TRADD: variants seen among roughly 807,000 people sequenced by gnomAD.
The protein encoded by TRADD is TNFRSF1A associated via death domain.
In TRADD, 14 loss-of-function variants were observed where a neutral mutation model predicts 31.5. The ratio of observed to expected loss-of-function variants is 0.44; its 90% CI spans 0.29 to 0.69. TRADD has a LOEUF of 0.69. TRADD is among the 30% of genes least tolerant of loss of function. The probability of loss-of-function intolerance (pLI) is 0.11; values close to 1 mark genes in which losing one functional copy is unlikely to be tolerated. For synonymous variants in TRADD, 220 were observed against 215.8 expected, an observed-to-expected ratio of 1.02 and a Z score of -0.17; for missense variants, 388 against 435.7, an observed-to-expected ratio of 0.89 and a Z score of 0.97.
Position 67,154,992 on chromosome 16 carries a change from G to C in TRADD, c.629-33C>G, listed in dbSNP as rs745360938. 9 of 1,595,370 alleles carry C rather than the reference G, an allele frequency of 5.6e-6. No individual in the cohort carries two copies. In the African/African-American group the frequency reaches 1.2e-4, roughly 21 times the overall value. On this transcript the variant is annotated intron_variant, in intron 4 of 4. Coordinates refer to ENST00000345057, the MANE Select transcript of TRADD (RefSeq NM_003789.4). This position sits in a 1 kb window ranked among gnomAD's most constrained non-coding sequence, Gnocchi z 5.2. ...GGGAGTGGGGAAACGGGGTGAGGGCGGGGACCCCCAGCGCCGGTCCCACCC... is the reference window on the plus strand; with the variant it reads ...GGGAGTGGGGAAACGGGGTGAGGGCCGGGACCCCCAGCGCCGGTCCCACCC...
Position 67,155,469 on chromosome 16 carries a change from G to C in TRADD, c.337C>G (p.Pro113Ala). ...LAAALAQHSV[P>A]LQLELRAGAE... ...CCGGCGCGCAGCTCCAGTTGCAGCGGCACCGAGTGCTGGGCGAGCGCGGCC... is the reference window on the plus strand; with the variant it reads ...CCGGCGCGCAGCTCCAGTTGCAGCGCCACCGAGTGCTGGGCGAGCGCGGCC... Residue 113 changes from proline (P) to alanine (A), a missense_variant, in exon 3 of 5, where the codon CCG becomes GCG. By Grantham distance (27) the Pro-to-Ala change is conservative (BLOSUM62 -1). Transcript: ENST00000345057. 1 of 1,587,814 alleles carries C rather than the reference G, an allele frequency of 6.3e-7. No individual in the cohort carries two copies. Among genetic ancestry groups the C allele is most frequent in the Middle Eastern group, 1.7e-4 (1 of 5,996 alleles).
In TRADD at chr16:67,159,229, T is replaced by C. The variant is rs2030811161; in HGVS notation, c.-9+609A>G. On this transcript the variant is annotated intron_variant, in intron 1 of 4. Transcript: ENST00000345057. The surrounding 1 kb of genome is among the most constrained non-coding windows in gnomAD (Gnocchi z 6.8). The stretch of plus-strand genomic sequence containing the variant: ...GGGCTGAGGCTTCCAGGCTGGGTCC[T>C]GAGAAAGTTTGGTGGCCGGAGACTG... 6.6e-6 allele frequency among the ~76,000 whole-genome samples: 1 copy of C among 152,220 alleles called. No homozygotes were observed. The highest frequency in any genetic ancestry group is 6.5e-5 in the Admixed American group (1 of 15,284).
Position 67,154,582 on chromosome 16 carries a change from T to C in TRADD, c.*67A>G, listed in dbSNP as rs2030582311. ...CAGGGTCCCGTGGATGGACAGGGGT[T>C]CAGCAATAGCCGCAGAAGGAACCCT... On this transcript the variant is annotated 3_prime_UTR_variant, in exon 5 of 5. Coordinates refer to ENST00000345057, the MANE Select transcript of TRADD (RefSeq NM_003789.4). The surrounding 1 kb of genome is among the most constrained non-coding windows in gnomAD (Gnocchi z 5.2). The C allele has an allele frequency of 9.7e-6, 15 of 1,554,114 alleles. No individual in the cohort carries two copies. Among genetic ancestry groups the C allele is most frequent in the Middle Eastern group, 1.7e-4 (1 of 5,934 alleles).
At position 67,154,526 on chromosome 16, in the gene TRADD, G is replaced by A. The variant is rs2030578933; in HGVS notation, c.*123C>T. The A allele has an allele frequency of 4.1e-6, 5 of 1,230,300 alleles. No homozygotes were observed. The South Asian group carries it at 5.3e-5, about 13-fold the overall frequency. The allele number at this position is 1,230,300 out of a possible 1,614,324, so 76.2% of individuals were successfully genotyped here. A position where few individuals can be genotyped will look rare whatever the true frequency, so the allele number is the denominator to read the frequency against. On this transcript the variant is annotated 3_prime_UTR_variant, in exon 5 of 5. Coordinates refer to ENST00000345057, the MANE Select transcript of TRADD (RefSeq NM_003789.4). This position sits in a 1 kb window ranked among gnomAD's most constrained non-coding sequence, Gnocchi z 5.2. Reference sequence around the variant, plus strand: ...GGGGAAGGCAATCAACTCTGCCCCAGCAGGTCCAGCAGATAGGCCAAGTGG... The same window carrying A: ...GGGGAAGGCAATCAACTCTGCCCCAACAGGTCCAGCAGATAGGCCAAGTGG...
Position 67,159,266 on chromosome 16 carries a change from G to C in TRADD, c.-9+572C>G, listed in dbSNP as rs2030813349. 6.6e-6 allele frequency among the ~76,000 whole-genome samples: 1 copy of C among 152,342 alleles called. No individual in the cohort carries two copies. The highest frequency in any genetic ancestry group is 2.4e-5 in the African/African-American group (1 of 41,580). ...GTGGCCGGAGACTGTGGGGCGCTTA[G>C]GTACCGACCTAACAACTTCTGCGCC... On this transcript the variant is annotated intron_variant, in intron 1 of 4. Coordinates refer to ENST00000345057, the MANE Select transcript of TRADD (RefSeq NM_003789.4). This position sits in a 1 kb window ranked among gnomAD's most constrained non-coding sequence, Gnocchi z 6.8.
In TRADD at chr16:67,154,369, C is replaced by A; in HGVS notation, c.*280G>T. On this transcript the variant is annotated 3_prime_UTR_variant, in exon 5 of 5. Coordinates refer to ENST00000345057, the MANE Select transcript of TRADD (RefSeq NM_003789.4). This position sits in a 1 kb window ranked among gnomAD's most constrained non-coding sequence, Gnocchi z 5.2. ...TGCTTCATGAGTGAAACTGTAAGGG[C>A]TGGCTGTAAGCCCCGCTTCTGGGAT... The A allele has an allele frequency of 1.8e-6, 1 of 561,170 alleles. No homozygotes were observed. The highest frequency in any genetic ancestry group is 3.2e-6 in the Non-Finnish European group (1 of 312,052). 34.8% of individuals were successfully genotyped at this position (561,170 alleles called of 1,614,324 possible). A position where few individuals can be genotyped will look rare whatever the true frequency, so the allele number is the denominator to read the frequency against.
chr16:67,156,511 T>G lies in TRADD; in HGVS notation c.150A>C (p.Ala50=). Residue 50 remains alanine, a splice_region_variant and synonymous_variant, in exon 2 of 5, where the codon GCA becomes GCC. Transcript: ENST00000345057. This position sits in a 1 kb window ranked among gnomAD's most constrained non-coding sequence, Gnocchi z 4.6. ...AVYRALQAAL[A]ESGGSPDVLQ... is the part of the protein sequence containing the mutation. The stretch of plus-strand genomic sequence containing the variant: ...CCACATGCCCGCCCATCCACGCACC[T>G]GCCAAGGCAGCCTGCAGAGCCCTGT... The G allele has an allele frequency of 6.2e-7, 1 of 1,612,224 alleles. No individual in the cohort carries two copies. Among genetic ancestry groups the G allele is most frequent in the Non-Finnish European group, 8.5e-7 (1 of 1,180,012 alleles).
chr16:67,156,586 C>T lies in TRADD; in HGVS notation c.75G>A (p.Lys25=), dbSNP rs1481894380. 6.2e-7 allele frequency: 1 copy of T among 1,613,972 alleles called. No homozygotes were observed. The highest frequency in any genetic ancestry group is 1.3e-5 in the African/African-American group (1 of 74,916). The change falls in exon 2 of 5, where the codon AAG becomes AAA. Residue 25 remains lysine, a synonymous_variant. Coordinates refer to ENST00000345057, the MANE Select transcript of TRADD (RefSeq NM_003789.4). This position sits in a 1 kb window ranked among gnomAD's most constrained non-coding sequence, Gnocchi z 4.6. ...AYLFVESSLD[K]VVLSDAYAHP... ...GCGCGTAGGCATCCGACAGGACCACCTTGTCCAGCGAGGACTCCACAAACA... is the reference window on the plus strand; with the variant it reads ...GCGCGTAGGCATCCGACAGGACCACTTTGTCCAGCGAGGACTCCACAAACA...
chr16:67,156,135 G>C lies in TRADD; in HGVS notation c.151+375C>G. 1 of 1,358,538 alleles carries C rather than the reference G, an allele frequency of 7.4e-7. No individual in the cohort carries two copies. Among genetic ancestry groups the C allele is most frequent in the Non-Finnish European group, 9.7e-7 (1 of 1,034,744 alleles). The allele number at this position is 1,358,538 out of a possible 1,614,324, so 84.2% of individuals were successfully genotyped here. On this transcript the variant is annotated intron_variant, in intron 2 of 4. Coordinates refer to ENST00000345057, the MANE Select transcript of TRADD (RefSeq NM_003789.4). The surrounding 1 kb of genome is among the most constrained non-coding windows in gnomAD (Gnocchi z 4.6). ...CCCGCTTCAGCCTCCTGTGGCCTCT[G>C]CCCTGAGATGGGAAAGGGGGGCCTG...
At chr16:67,158,774 G>A (rs2030792092) in intron 1 of TRADD, among the ~76,000 whole-genome samples, 1 of 152,202 alleles carries the variant, frequency 6.6e-6, no homozygotes, top group Non-Finnish European at 1.5e-5. Context: ...AGCCACGGAG[G>A]TGAGATAAGG....
At chr16:67,155,726 C>T in intron 2 of TRADD, 72 bp from the exon 3 acceptor site, 2 of 1,500,032 alleles carry the variant, frequency 1.3e-6, no homozygotes, top group South Asian at 1.2e-5. Context: ...GGAGGAGGGG[C>T]GAAGCCCGTG....
rs2030693524 is a variant in TRADD, at chr16:67,156,260, G to A, written c.151+250C>T. 7.4e-7 allele frequency: 1 copy of A among 1,355,206 alleles called. No homozygotes were observed. The highest frequency in any genetic ancestry group is 1.0e-6 in the Non-Finnish European group (1 of 1,002,868). 83.9% of individuals were successfully genotyped at this position (1,355,206 alleles called of 1,614,324 possible). A position where few individuals can be genotyped will look rare whatever the true frequency, so the allele number is the denominator to read the frequency against. On this transcript the variant is annotated intron_variant, in intron 2 of 4. Transcript: ENST00000345057. The surrounding 1 kb of genome is among the most constrained non-coding windows in gnomAD (Gnocchi z 4.6). ...ACAATTAGTAGAAAGGAGTGAGCCG[G>A]CTGGTGGAGGGGGGCGGGGATGGAG...
Position 67,154,682 on chromosome 16 carries a change from C to T in TRADD, c.906G>A (p.Leu302=). ...GGCCGCCATTGGGATCGGTCAGGCC[C>T]AGCAAGTCCTCTGCCAGGCTGGTGA... The part of the protein sequence containing the change: ...NELTSLAEDL[L]GLTDPNGGLA Residue 302 remains leucine, a synonymous_variant, in exon 5 of 5, where the codon CTG becomes CTA. Transcript: ENST00000345057. This position sits in a 1 kb window ranked among gnomAD's most constrained non-coding sequence, Gnocchi z 5.2. 1.2e-6 allele frequency: 2 copies of T among 1,612,930 alleles called. No individual in the cohort carries two copies. The highest frequency in any genetic ancestry group is 1.7e-6 in the Non-Finnish European group (2 of 1,179,952).
Position 67,156,627 on chromosome 16 carries a change from C to T in TRADD, c.34G>A (p.Val12Met). Residue 12 changes from valine to methionine, a missense_variant, in exon 2 of 5, where the codon GTG becomes ATG. Coordinates refer to ENST00000345057, the MANE Select transcript of TRADD (RefSeq NM_003789.4). The surrounding 1 kb of genome is among the most constrained non-coding windows in gnomAD (Gnocchi z 4.6). ...TCCACAAACAGGTATGCGCTGCCCA[C>T]CCACTCTTCGTGCCCATTTTGCCCA... ...AAGQNGHEEW[V>M]GSAYLFVESS... is the part of the protein sequence containing the mutation. 1 of 1,614,140 alleles carries T rather than the reference C, an allele frequency of 6.2e-7. No homozygotes were observed. The highest frequency in any genetic ancestry group is 1.3e-5 in the African/African-American group (1 of 75,058).
chr16:67,155,460 G>A lies in TRADD; in HGVS notation c.346C>T (p.Leu116=). 2.5e-6 allele frequency: 4 copies of A among 1,591,880 alleles called. No homozygotes were observed. Among genetic ancestry groups the A allele is most frequent in the Non-Finnish European group, 3.4e-6 (4 of 1,177,038 alleles). ...CGCTCGGCGCCGGCGCGCAGCTCCA[G>A]TTGCAGCGGCACCGAGTGCTGGGCG... ...ALAQHSVPLQ[L]ELRAGAERLD... The change falls in exon 3 of 5, where the codon CTG becomes TTG. Residue 116 remains leucine (L), a synonymous_variant. Transcript: ENST00000345057.
intron 2 of TRADD, chr16:67,155,976 C>A (rs1420463217): frequency 7.0e-7 from 1 of 1,431,868 alleles, no homozygotes; most frequent in Middle Eastern, 1.9e-4. Context: ...GGCAAACAAG[C>A]CGTCTGGGTA....
At chr16:67,157,860 C>A (rs1217938388) in intron 1 of TRADD, among the ~76,000 whole-genome samples, 1 of 152,186 alleles carries the variant, frequency 6.6e-6, no homozygotes, top group Admixed American at 6.5e-5. Flanking sequence ...CAGTTACTAC[C>A]CCGTGAGACA....
chr16:67,156,967 G>T lies in TRADD; in HGVS notation c.-8-299C>A, dbSNP rs907418985. 2.6e-5 allele frequency among the ~76,000 whole-genome samples: 4 copies of T among 152,222 alleles called. No individual in the cohort carries two copies. The highest frequency in any genetic ancestry group is 6.5e-5 in the Admixed American group (1 of 15,286). On this transcript the variant is annotated intron_variant, in intron 1 of 4. Coordinates refer to ENST00000345057, the MANE Select transcript of TRADD (RefSeq NM_003789.4). The surrounding 1 kb of genome is among the most constrained non-coding windows in gnomAD (Gnocchi z 4.6). ...TCACAGTGGAGGGGGAGCAGAGGCA[G>T]ATCCTGCAATGGGGCTTCTCTGCTT...
In TRADD at chr16:67,156,234, C is replaced by T. The variant is rs1477863060; in HGVS notation, c.151+276G>A. On this transcript the variant is annotated intron_variant, in intron 2 of 4. Transcript: ENST00000345057. The surrounding 1 kb of genome is among the most constrained non-coding windows in gnomAD (Gnocchi z 4.6). ...GAGAGGAAAAGAGGAGAGAGACATC[C>T]ACAATTAGTAGAAAGGAGTGAGCCG... is the stretch of plus-strand genomic sequence containing the variant. 1 of 1,454,606 alleles carries T rather than the reference C, an allele frequency of 6.9e-7. No individual in the cohort carries two copies. The highest frequency in any genetic ancestry group is 1.4e-5 in the African/African-American group (1 of 70,930). 90.1% of individuals were successfully genotyped at this position (1,454,606 alleles called of 1,614,324 possible). A position where few individuals can be genotyped will look rare whatever the true frequency, so the allele number is the denominator to read the frequency against.
Sources: gnomAD v4.1 joint callset for allele counts (sites outside exome capture counted in the v4.1 genomes callset) on GRCh38, gnomAD v4.1.1 for gene constraint, Gnocchi (gnomAD v3.1) non-coding constraint, MANE v1.5 for transcripts, NCBI Gene and HGNC (gene_info 2026-07-23, HGNC 2026-07-21) for gene names.